CCSER1: variants seen among roughly 807,000 people sequenced by gnomAD.
The protein encoded by CCSER1 is serine-rich coiled-coil domain-containing protein 1.
In CCSER1, 41 loss-of-function variants were observed where a neutral mutation model predicts 82.0. That is an observed-to-expected ratio of 0.50 (90% CI 0.39 to 0.65). The LOEUF is 0.65. Ranked by LOEUF, CCSER1 falls within the 30% of genes least tolerant of loss-of-function variation. CCSER1 has a pLI of 0.00. For missense variants in CCSER1, 1,119 were observed against 1,064.2 expected, an observed-to-expected ratio of 1.05 and a Z score of -0.72; for synonymous variants, 414 against 383.9, an observed-to-expected ratio of 1.08 and a Z score of -0.92.
intron 10 of CCSER1, among the ~76,000 whole-genome samples, chr4:91,492,957 CA>C (rs1426188431): frequency 5.3e-5 from 8 of 152,012 alleles, no homozygotes; most frequent in African/African-American, 1.9e-4. Flanking sequence ...CATGAGTTCT[CA>C]TTTTACATAG....
At chr4:90,604,459 C>A (rs1266514343) in intron 5 of CCSER1, among the ~76,000 whole-genome samples, 1 of 152,202 alleles carries the variant, frequency 6.6e-6, no homozygotes, top group Non-Finnish European at 1.5e-5. Flanking sequence ...TTAGTCTCAA[C>A]ATCTATAAAA....
intron 10 of CCSER1, among the ~76,000 whole-genome samples, chr4:91,278,826 GT>G (rs1300266778): frequency 6.6e-6 from 1 of 151,636 alleles, no homozygotes; most frequent in Non-Finnish European, 1.5e-5. Flanking sequence ...TGAGTCCTTT[GT>G]TTTTCTCATT....
chr4:90,413,985 T>C (rs1425033940), intron 4 of CCSER1, among the ~76,000 whole-genome samples: 3 of 67,918 alleles, frequency 4.4e-5, no homozygotes, highest in Non-Finnish European at 7.8e-5. Flanking sequence ...AAAAAAAATA[T>C]ATATATATAT....
At chr4:91,390,127 G>C (rs1387260396) in intron 10 of CCSER1, among the ~76,000 whole-genome samples, 4 of 151,834 alleles carry the variant, frequency 2.6e-5, no homozygotes, top group Admixed American at 2.6e-4. Context: ...AAAATTTTGA[G>C]TTTCTAACCA....
intron 9 of CCSER1, among the ~76,000 whole-genome samples, chr4:91,064,096 AG>A (rs1234830250): frequency 2.0e-5 from 3 of 152,222 alleles, no homozygotes; most frequent in African/African-American, 7.2e-5. Context: ...GTGAACAAGT[AG>A]GAATTGCTGA....
intron 1 of CCSER1, among the ~76,000 whole-genome samples, chr4:90,277,964 A>C (rs910650673): frequency 6.6e-6 from 1 of 152,136 alleles, no homozygotes; most frequent in Admixed American, 6.6e-5. Flanking sequence ...CAGATTCTAT[A>C]AGGAACTTAA....
chr4:90,798,087 C>T (rs184892797), intron 7 of CCSER1, among the ~76,000 whole-genome samples: 1 of 151,378 alleles, frequency 6.6e-6, no homozygotes, highest in East Asian at 1.9e-4. Context: ...TGGCTCTATT[C>T]TCCTGATATT....
chr4:90,169,359 G>C lies in CCSER1; in HGVS notation c.-42+41528G>C, dbSNP rs190721417. ...GAGACTTTGCTGAAGTTGCCTATCA[G>C]CTTAAGGAGATTTTGGGCTGAGACG... On this transcript the variant is annotated intron_variant, in intron 1 of 10. Transcript: ENST00000509176. Among the ~76,000 whole-genome samples the C allele has an allele frequency of 1.7e-3, 255 of 152,224 alleles. 3 individuals are homozygous for C. The highest frequency in any genetic ancestry group is 5.5e-3 in the African/African-American group (228 of 41,534).
chr4:91,379,075 C>T (rs558720051), intron 10 of CCSER1, among the ~76,000 whole-genome samples: 1 of 152,026 alleles, frequency 6.6e-6, no homozygotes, highest in Non-Finnish European at 1.5e-5. Flanking sequence ...ATATGTTGAA[C>T]CAGCCTTGCA....
At chr4:90,960,954 A>T (rs1292865074) in intron 9 of CCSER1, among the ~76,000 whole-genome samples, 3 of 152,198 alleles carry the variant, frequency 2.0e-5, no homozygotes, top group Non-Finnish European at 4.4e-5. Context: ...GAAGTAACAC[A>T]GGCAGTTTGG....
intron 10 of CCSER1, among the ~76,000 whole-genome samples, chr4:91,247,878 A>G (rs1353155252): frequency 6.6e-6 from 1 of 152,068 alleles, no homozygotes; most frequent in African/African-American, 2.4e-5. Flanking sequence ...AAAAAAAACA[A>G]CAACAGAAAA....
rs1402800347 is a variant in CCSER1, at chr4:90,309,122, A to G, written c.838A>G (p.Met280Val). The G allele has an allele frequency of 6.2e-7, 1 of 1,613,914 alleles. No individual in the cohort carries two copies. ...GGATGCATTTTCTAAAAGTGGAAGC[A>G]TGGCATCCCACTGTGACAACTTTGG... is the stretch of plus-strand genomic sequence containing the variant. ...EMDAFSKSGS[M>V]ASHCDNFGHN... The change falls in exon 2 of 11, where the codon ATG (methionine) becomes GTG (valine). Residue 280 changes from methionine (M) to valine (V), a missense_variant. Coordinates refer to ENST00000509176, the MANE Select transcript of CCSER1 (RefSeq NM_001145065.2).
chr4:90,915,719 CAT>C (rs1727269309), intron 8 of CCSER1, among the ~76,000 whole-genome samples: 1 of 102,958 alleles, frequency 9.7e-6, no homozygotes, highest in Non-Finnish European at 1.8e-5. Context: ...AGGAGGAAGT[CAT>C]CTTGCCCTGT....
chr4:90,413,023 C>T (rs1414654698), intron 4 of CCSER1, among the ~76,000 whole-genome samples: 1 of 152,082 alleles, frequency 6.6e-6, no homozygotes, highest in Non-Finnish European at 1.5e-5. Flanking sequence ...TCACTGTTTG[C>T]TGAAGACATG....
intron 6 of CCSER1, among the ~76,000 whole-genome samples, chr4:90,713,092 A>G (rs1357740665): frequency 3.3e-5 from 5 of 151,538 alleles, no homozygotes; most frequent in Admixed American, 2.6e-4. Context: ...TTTTTTCTTT[A>G]TCTAGCTTGC....
intron 10 of CCSER1, among the ~76,000 whole-genome samples, chr4:91,508,162 G>GTTTTTTTTTTTTTTTTTTGT (rs139066436): frequency 1.0e-5 from 1 of 97,654 alleles, no homozygotes; most frequent in African/African-American, 4.0e-5. Context: ...TTTTTTCTGG[G>GTTTTTTTTTTTTTTTTTTGT]TTTTTTTTTT....
intron 10 of CCSER1, among the ~76,000 whole-genome samples, chr4:91,221,417 A>G (rs1243376471): frequency 6.6e-6 from 1 of 152,134 alleles, no homozygotes; most frequent in Non-Finnish European, 1.5e-5. Context: ...CTGTATTTCT[A>G]TTATTATAGT....
At chr4:90,645,163 C>T (rs548838652) in intron 6 of CCSER1, among the ~76,000 whole-genome samples, 8 of 151,782 alleles carry the variant, frequency 5.3e-5, no homozygotes, top group African/African-American at 1.9e-4. Context: ...TCTTATCCAC[C>T]TTTCTAAGTC....
At chr4:90,810,894 G>A (rs1201480762) in intron 7 of CCSER1, among the ~76,000 whole-genome samples, 3 of 138,952 alleles carry the variant, frequency 2.2e-5, no homozygotes, top group Non-Finnish European at 4.6e-5. Flanking sequence ...GTGCAGTGGC[G>A]CGATCTCGGC....
Sources: gnomAD v4.1 joint callset for allele counts (sites outside exome capture counted in the v4.1 genomes callset) on GRCh38, gnomAD v4.1.1 for gene constraint, MANE v1.5 for transcripts, NCBI Gene and HGNC (gene_info 2026-07-23, HGNC 2026-07-21) for gene names.